ZNF385B: variants seen among roughly 807,000 people sequenced by gnomAD.
ZNF385B encodes zinc finger protein 385B, also known as zinc finger protein 533.
A neutral mutation model predicts 39.2 loss-of-function variants in ZNF385B; 23 were observed. The observed-to-expected ratio is 0.59, with a 90% CI of 0.42 to 0.83. The LOEUF (loss-of-function observed/expected upper bound fraction) is 0.83, where lower values mean the gene tolerates loss of function less well. ZNF385B is among the 40% of genes least tolerant of loss of function. ZNF385B has a pLI of 0.00. For synonymous variants in ZNF385B, 205 were observed against 222.6 expected (o/e 0.92, Z 0.70); for missense variants, 552 against 598.9 (o/e 0.92, Z 0.82).
At chr2:179,596,815 C>T (rs1334377271) in intron 3 of ZNF385B, among the ~76,000 whole-genome samples, 1 of 151,950 alleles carries the variant, frequency 6.6e-6, no homozygotes, top group Non-Finnish European at 1.5e-5. Context: ...AATAGTTTAC[C>T]CCAATTTATC....
intron 3 of ZNF385B, among the ~76,000 whole-genome samples, chr2:179,608,508 G>A (rs1689012240): frequency 6.6e-6 from 1 of 152,218 alleles, no homozygotes; most frequent in Admixed American, 6.5e-5. Context: ...ATATTTCATC[G>A]TTTTACAGCT....
At chr2:179,714,942 CAAAAAAAA>C (rs34449760) in intron 3 of ZNF385B, among the ~76,000 whole-genome samples, 2 of 79,230 alleles carry the variant, frequency 2.5e-5, no homozygotes, top group African/African-American at 1.0e-4. Context: ...GATTCTATCT[CAAAAAAAA>C]AAAAAAAAAA....
chr2:179,554,549 T>C (rs1574768549), intron 3 of ZNF385B, among the ~76,000 whole-genome samples: 1 of 149,354 alleles, frequency 6.7e-6, no homozygotes, highest in East Asian at 1.9e-4. Flanking sequence ...CTTTGTGACC[T>C]TGGACTAAGC....
chr2:179,785,569 T>G (rs955436487), intron 1 of ZNF385B, among the ~76,000 whole-genome samples: 1 of 152,136 alleles, frequency 6.6e-6, no homozygotes, highest in Non-Finnish European at 1.5e-5. Context: ...TGGAAGAAGT[T>G]AATTCTAATC....
At chr2:179,460,749 G>A (rs745367666) in intron 6 of ZNF385B, among the ~76,000 whole-genome samples, 4 of 152,098 alleles carry the variant, frequency 2.6e-5, no homozygotes, top group African/African-American at 7.2e-5. Context: ...ACTCAGCCAC[G>A]AGGACAGTTT....
chr2:179,518,745 C>A, intron 4 of ZNF385B, 107 bp from the exon 5 acceptor site: 1 of 599,480 alleles, frequency 1.7e-6, no homozygotes. Flanking sequence ...ACTTTTAGTT[C>A]CTAAACAAAG....
chr2:179,485,996 T>C (rs1419326771), intron 5 of ZNF385B, among the ~76,000 whole-genome samples: 1 of 152,108 alleles, frequency 6.6e-6, no homozygotes, highest in Admixed American at 6.6e-5. Context: ...GGACTTCTCA[T>C]GTTGTTCTCT....
At chr2:179,671,836 C>T (rs965428625) in intron 3 of ZNF385B, among the ~76,000 whole-genome samples, 1 of 152,232 alleles carries the variant, frequency 6.6e-6, no homozygotes, top group Non-Finnish European at 1.5e-5. Flanking sequence ...GATTTGGATG[C>T]CCTGGAGGAC....
At chr2:179,523,104 G>A (rs892516503) in intron 4 of ZNF385B, among the ~76,000 whole-genome samples, 9 of 152,088 alleles carry the variant, frequency 5.9e-5, no homozygotes, top group Non-Finnish European at 2.9e-5. Flanking sequence ...GAAATGAAAA[G>A]CAAGACCTAT....
At chr2:179,853,725 A>G (rs1037741322) in intron 1 of ZNF385B, among the ~76,000 whole-genome samples, 2 of 152,220 alleles carry the variant, frequency 1.3e-5, no homozygotes, top group Non-Finnish European at 2.9e-5. Context: ...GGTAGGTGCC[A>G]AGAACTTTGT....
chr2:179,738,325 C>A (rs1032664974), intron 3 of ZNF385B, among the ~76,000 whole-genome samples: 14 of 152,166 alleles, frequency 9.2e-5, no homozygotes, highest in African/African-American at 3.4e-4. Flanking sequence ...GCACCTTGAC[C>A]AGGCTGGTCA....
intron 5 of ZNF385B, among the ~76,000 whole-genome samples, chr2:179,504,449 C>T (rs2057062395): frequency 2.0e-5 from 3 of 152,128 alleles, no homozygotes. Context: ...GAGGAATCGC[C>T]ACACTGACTT....
At chr2:179,802,018 TCAGTATTAC>T (rs1559207603) in intron 1 of ZNF385B, among the ~76,000 whole-genome samples, 6 of 152,184 alleles carry the variant, frequency 3.9e-5, no homozygotes, top group Non-Finnish European at 8.8e-5. Flanking sequence ...AAGCTATTTC[TCAGTATTAC>T]CAGGACTGAA....
At chr2:179,766,651 G>T (rs1449954233) in intron 3 of ZNF385B, among the ~76,000 whole-genome samples, 1 of 151,874 alleles carries the variant, frequency 6.6e-6, no homozygotes, top group Non-Finnish European at 1.5e-5. Flanking sequence ...TTTTTGTAAG[G>T]TTATCAGTCA....
intron 3 of ZNF385B, among the ~76,000 whole-genome samples, chr2:179,761,700 T>A (rs1703397955): frequency 6.6e-6 from 1 of 151,120 alleles, no homozygotes; most frequent in African/African-American, 2.4e-5. Flanking sequence ...CACCACAGCC[T>A]CCTGAGTAGC....
chr2:179,599,253 A>T (rs1688230625), intron 3 of ZNF385B, among the ~76,000 whole-genome samples: 1 of 152,232 alleles, frequency 6.6e-6, no homozygotes, highest in Non-Finnish European at 1.5e-5. Context: ...TGATCAGAAT[A>T]TCAGACCCAG....
Position 179,483,327 on chromosome 2 carries a change from C to T in ZNF385B, c.660G>A (p.Lys220=), listed in dbSNP as rs766026751. Residue 220 remains lysine (K), a synonymous_variant, in exon 6 of 10, where the codon AAG becomes AAA. Coordinates refer to ENST00000410066, the MANE Select transcript of ZNF385B (RefSeq NM_152520.6). ...PKMVPSKDSA[K]ANPSCSITPI... The stretch of plus-strand genomic sequence containing the variant: ...GAGTGATGGAGCAGCTGGGATTAGC[C>T]TTTGCGCTGTCCTTGGAAGGAACCA... 6 of 1,613,856 alleles carry T rather than the reference C, an allele frequency of 3.7e-6. No individual in the cohort carries two copies. The highest frequency in any genetic ancestry group is 5.1e-6 in the Non-Finnish European group (6 of 1,179,960).
intron 9 of ZNF385B, 86 bp from the exon 10 acceptor site, chr2:179,443,554 C>A: frequency 9.8e-7 from 1 of 1,015,748 alleles, no homozygotes; most frequent in Non-Finnish European, 1.5e-6. Flanking sequence ...AGTAAAACAC[C>A]AACATTAAGA....
At chr2:179,694,984 G>GAGGAGA (rs1233567378) in intron 3 of ZNF385B, among the ~76,000 whole-genome samples, 1 of 149,510 alleles carries the variant, frequency 6.7e-6, no homozygotes, top group African/African-American at 2.5e-5. Flanking sequence ...GGAGGAGGAG[G>GAGGAGA]AGGAGAAGAA....
Sources: gnomAD v4.1 joint callset for allele counts (sites outside exome capture counted in the v4.1 genomes callset) on GRCh38, gnomAD v4.1.1 for gene constraint, MANE v1.5 for transcripts, NCBI Gene and HGNC (gene_info 2026-07-23, HGNC 2026-07-21) for gene names.